SGCZ: variants seen among roughly 807,000 people sequenced by gnomAD.
SGCZ encodes the protein zeta-sarcoglycan.
In SGCZ, 40 loss-of-function variants were observed where a neutral mutation model predicts 41.3. That is an observed-to-expected ratio of 0.97 (90% confidence interval 0.75 to 1.26). SGCZ has a LOEUF of 1.26. Among genes scored for constraint, SGCZ ranks in the 50% most tolerant of loss-of-function variants. The probability of loss-of-function intolerance (pLI) is 0.00; values close to 1 mark genes in which losing one functional copy is unlikely to be tolerated. For synonymous variants in SGCZ, 206 were observed against 137.5 expected (o/e 1.50, Z -3.49); for missense variants, 552 against 369.8 (o/e 1.49, Z -4.04).
chr8:15,203,796 G>T (rs78924517), intron 1 of SGCZ, among the ~76,000 whole-genome samples: 8,897 of 152,068 alleles, frequency 0.059, 304 homozygotes, highest in African/African-American at 0.074. Flanking sequence ...AAATATCCAA[G>T]AAATAACACT....
intron 3 of SGCZ, among the ~76,000 whole-genome samples, chr8:14,289,416 G>T (rs9643973): frequency 0.72 from 108,967 of 151,754 alleles, 40,236 homozygotes; most frequent in Non-Finnish European, 0.8. Flanking sequence ...GTTATACTTA[G>T]GTCTTAGATC....
intron 7 of SGCZ, among the ~76,000 whole-genome samples, chr8:14,099,816 T>C (rs1801956933): frequency 6.6e-6 from 1 of 152,218 alleles, no homozygotes; most frequent in Non-Finnish European, 1.5e-5. Context: ...ACTTACAGTA[T>C]TCTCCATACA....
intron 1 of SGCZ, among the ~76,000 whole-genome samples, chr8:15,203,384 G>C (rs991936166): frequency 7.2e-5 from 11 of 152,132 alleles, no homozygotes; most frequent in African/African-American, 2.7e-4. Context: ...GTCAGGCATT[G>C]AGTGTACAAA....
intron 1 of SGCZ, among the ~76,000 whole-genome samples, chr8:14,696,937 A>C (rs1808982952): frequency 6.8e-6 from 1 of 147,892 alleles, no homozygotes. Context: ...AGTGAAAAAT[A>C]ATTAGGAAAT....
intron 3 of SGCZ, among the ~76,000 whole-genome samples, chr8:14,311,983 T>G (rs2117000652): frequency 6.6e-6 from 1 of 152,272 alleles, no homozygotes; most frequent in East Asian, 1.9e-4. Flanking sequence ...CAGATTCCAT[T>G]ACATATGTGA....
intron 1 of SGCZ, among the ~76,000 whole-genome samples, chr8:14,794,736 T>A (rs1418096638): frequency 6.6e-6 from 1 of 152,144 alleles, no homozygotes; most frequent in Non-Finnish European, 1.5e-5. Context: ...AGACATAGCA[T>A]TGGGAATTTT....
rs549742673 is a variant in SGCZ at position 14,246,721 on chromosome 8, C to T, written c.337-9042G>A. On this transcript the variant is annotated intron_variant, in intron 3 of 7. Transcript: ENST00000382080. ...AGGAGATCAAGACCATCCTGGCTGA[C>T]ATGGTGAAACTCCGTCTCTACTAAA... Among the ~76,000 whole-genome samples, 13 of 151,698 alleles carry T rather than the reference C, an allele frequency of 8.6e-5. No individual in the cohort carries two copies. The South Asian group carries it at 2.3e-3, about 27-fold the overall frequency.
At chr8:15,053,976 T>C (rs1804613967) in intron 1 of SGCZ, among the ~76,000 whole-genome samples, 2 of 152,172 alleles carry the variant, frequency 1.3e-5, no homozygotes, top group Non-Finnish European at 2.9e-5. Flanking sequence ...AAACAAATTT[T>C]GGATCTAAGG....
At chr8:15,076,497 G>C (rs1180431965) in intron 1 of SGCZ, among the ~76,000 whole-genome samples, 5 of 152,138 alleles carry the variant, frequency 3.3e-5, no homozygotes. Context: ...CTTTTCTTGT[G>C]TAATTTCAAT....
intron 4 of SGCZ, among the ~76,000 whole-genome samples, chr8:14,220,492 C>G (rs1806155319): frequency 6.6e-6 from 1 of 152,142 alleles, no homozygotes; most frequent in African/African-American, 2.4e-5. Context: ...ATCTTAGGTG[C>G]ACTGCTGCCT....
At chr8:14,676,643 A>G (rs1289577670) in intron 1 of SGCZ, among the ~76,000 whole-genome samples, 1 of 152,202 alleles carries the variant, frequency 6.6e-6, no homozygotes, top group Non-Finnish European at 1.5e-5. Flanking sequence ...GTGTGGCATT[A>G]GAAAAATACA....
chr8:14,459,386 G>A (rs1007340079), intron 2 of SGCZ, among the ~76,000 whole-genome samples: 1 of 151,788 alleles, frequency 6.6e-6, no homozygotes, highest in Non-Finnish European at 1.5e-5. Context: ...CCTGCACATT[G>A]TGCACATGTA....
intron 1 of SGCZ, among the ~76,000 whole-genome samples, chr8:15,217,015 T>A (rs1036801101): frequency 3.3e-5 from 5 of 152,110 alleles, no homozygotes; most frequent in African/African-American, 9.7e-5. Context: ...CTCTTGACTT[T>A]TCAGGTATCA....
intron 1 of SGCZ, among the ~76,000 whole-genome samples, chr8:14,949,937 G>A (rs570461965): frequency 6.6e-6 from 1 of 152,026 alleles, no homozygotes. Context: ...TGTTTTAAAT[G>A]TAAATAGAAG....
chr8:14,194,327 C>T (rs1250267935), intron 4 of SGCZ, among the ~76,000 whole-genome samples: 5 of 151,804 alleles, frequency 3.3e-5, no homozygotes, highest in African/African-American at 4.8e-5. Context: ...TGATTGAAAA[C>T]GAGACCAGAG....
chr8:14,716,220 C>CAA (rs35344487), intron 1 of SGCZ, among the ~76,000 whole-genome samples: 1 of 150,624 alleles, frequency 6.6e-6, no homozygotes, highest in African/African-American at 2.4e-5. Context: ...ATAGTGAAAA[C>CAA]AAAAAAAAGA....
intron 3 of SGCZ, among the ~76,000 whole-genome samples, chr8:14,320,875 G>T (rs1157910636): frequency 6.6e-6 from 1 of 152,010 alleles, no homozygotes; most frequent in Non-Finnish European, 1.5e-5. Context: ...TCAGATAAGA[G>T]GTTCTGAAGA....
At chr8:15,065,412 TGTA>T (rs1387304293) in intron 1 of SGCZ, among the ~76,000 whole-genome samples, 1,904 of 135,220 alleles carry the variant, frequency 0.014, 16 homozygotes, top group Non-Finnish European at 0.02. Context: ...CACATGGTAT[TGTA>T]ATTATTATTA....
At chr8:14,976,727 C>T (rs1484167753) in intron 1 of SGCZ, among the ~76,000 whole-genome samples, 7 of 152,150 alleles carry the variant, frequency 4.6e-5, no homozygotes, top group Non-Finnish European at 1.0e-4. Flanking sequence ...GAAAAACTTA[C>T]ACCATCCCAC....
Sources: gnomAD v4.1 joint callset for allele counts (sites outside exome capture counted in the v4.1 genomes callset) on GRCh38, gnomAD v4.1.1 for gene constraint, MANE v1.5 for transcripts, NCBI Gene and HGNC (gene_info 2026-07-23, HGNC 2026-07-21) for gene names.